LRRC71: variants seen among roughly 807,000 people sequenced by gnomAD.
LRRC71 encodes leucine-rich repeat-containing protein 71.
A neutral mutation model predicts 66.6 loss-of-function variants in LRRC71; 54 were observed. That is an observed-to-expected ratio of 0.81 (90% confidence interval 0.65 to 1.02). The LOEUF (loss-of-function observed/expected upper bound fraction) is 1.02, where lower values mean the gene tolerates loss of function less well. LRRC71 is among the 50% of genes least tolerant of loss of function. The pLI is 0.00. For synonymous variants in LRRC71, 323 were observed against 303.9 expected, an observed-to-expected ratio of 1.06 and a Z score of -0.65; for missense variants, 724 against 718.0, an observed-to-expected ratio of 1.01 and a Z score of -0.10.
At chr1:156,924,170 G>C in intron 2 of LRRC71, 72 bp downstream of exon 2, 2 of 1,487,242 alleles carry the variant, frequency 1.3e-6, no homozygotes, top group South Asian at 2.5e-5. Flanking sequence ...TTCCCACGCC[G>C]GGCCAAATGG....
chr1:156,931,871 C>A, intron 12 of LRRC71, 45 bp from the exon 13 acceptor site: 1 of 1,441,926 alleles, frequency 6.9e-7, no homozygotes, highest in African/African-American at 1.4e-5. Context: ...GGCCTGTTGA[C>A]CAGCTCCCCT....
chr1:156,926,856 G>A (rs909698995), intron 5 of LRRC71, among the ~76,000 whole-genome samples: 7 of 152,140 alleles, frequency 4.6e-5, no homozygotes, highest in South Asian at 2.1e-4. Context: ...GATTACAGGC[G>A]TGAGCCACTG....
chr1:156,929,693 C>A lies in LRRC71; in HGVS notation c.1204C>A (p.Pro402Thr). Residue 402 changes from proline to threonine, a missense_variant, in exon 11 of 15, where the codon CCT becomes ACT. Physicochemically the swap from Pro to Thr is conservative, Grantham distance 38. Transcript: ENST00000337428. Reference sequence around the variant, plus strand: ...TGGGCAGTCACCCACACAAGGAACCCCTAAGAAGGAAGATGCCACAAAGGC... The same window carrying A: ...TGGGCAGTCACCCACACAAGGAACCACTAAGAAGGAAGATGCCACAAAGGC... ...GSGQSPTQGT[P>T]KKEDATKAGK... 6.3e-7 allele frequency: 1 copy of A among 1,580,092 alleles called. No homozygotes were observed. Among genetic ancestry groups the A allele is most frequent in the Non-Finnish European group, 8.6e-7 (1 of 1,163,092 alleles).
intron 13 of LRRC71, 49 bp downstream of exon 13, chr1:156,932,076 CCT>C: frequency 6.9e-7 from 1 of 1,447,220 alleles, no homozygotes; most frequent in East Asian, 2.5e-5. Flanking sequence ...CTACCCGGGC[CCT>C]GTCCTGCCTG....
Position 156,927,790 on chromosome 1 carries a change from G to A in LRRC71, c.880G>A (p.Asp294Asn). ...WLSLAHNRIQDKGALKLAEVL... is the reference protein window; with the variant it reads ...WLSLAHNRIQNKGALKLAEVL... ...GTCCCTGGCCCACAACCGCATCCAG[G>A]ACAAGGGCGCCCTGAAGCTGGCTGA... Residue 294 changes from aspartate to asparagine, a missense_variant, in exon 8 of 15, where the codon GAC becomes AAC. Transcript: ENST00000337428. 1.2e-6 allele frequency: 2 copies of A among 1,613,042 alleles called. No homozygotes were observed. The highest frequency in any genetic ancestry group is 8.5e-7 in the Non-Finnish European group (1 of 1,179,744).
the LRRC71 span, chr1:156,939,771 G>A: frequency 2.5e-6 from 4 of 1,613,956 alleles, no homozygotes; most frequent in Non-Finnish European, 3.4e-6. Flanking sequence ...GCCCTGGGGA[G>A]CCTGGGTCCC....
the LRRC71 span, chr1:156,939,639 A>T: frequency 5.0e-6 from 8 of 1,613,750 alleles, no homozygotes; most frequent in Admixed American, 6.7e-5. Context: ...CCCATATCCC[A>T]GAATTTCTGG....
In LRRC71 at chr1:156,930,429, TG is replaced by T. The variant is rs948649177; in HGVS notation, c.1241-94del. 45 of 1,040,078 alleles carry T rather than the reference TG, an allele frequency of 4.3e-5. 2 individuals carry two copies. In the Middle Eastern group the frequency reaches 6.2e-4, roughly 14 times the overall value. The allele number at this position is 1,040,078 out of a possible 1,614,324, so 64.4% of individuals were successfully genotyped here. ...TTTCTATTGCACCCAAACCCAAAGT[TG>T]GGGGGTCTCTTTGCCTCACAGCCTG... On this transcript the variant is annotated intron_variant, in intron 11 of 14. Transcript: ENST00000337428.
chr1:156,937,002 T>C (rs1332079894), downstream of LRRC71: 15 of 1,612,882 alleles, frequency 9.3e-6, no homozygotes, highest in Middle Eastern at 3.3e-4. Flanking sequence ...GCCAGCTCCA[T>C]ATCCTGGAAG....
At chr1:156,939,884 A>G in the LRRC71 span, 309 of 1,607,882 alleles carry the variant, frequency 1.9e-4, 2 homozygotes, top group South Asian at 2.2e-3. Flanking sequence ...AGCAGGCTCC[A>G]CAGGATCAGA....
At chr1:156,925,301 C>G (rs1476807316) in intron 5 of LRRC71, among the ~76,000 whole-genome samples, 2 of 152,222 alleles carry the variant, frequency 1.3e-5, no homozygotes, top group Non-Finnish European at 2.9e-5. Flanking sequence ...CCCAGAGGTT[C>G]TCGCTCTCCT....
At chr1:156,923,901 C>A in intron 1 of LRRC71, 48 bp from the exon 2 acceptor site, 1 of 1,418,488 alleles carries the variant, frequency 7.0e-7, no homozygotes, top group Admixed American at 3.1e-5. Context: ...CTTGGGGATG[C>A]GGGGGTGGGC....
Position 156,924,564 on chromosome 1 carries a change from T to TTCC in LRRC71, c.439+12_439+13insTCC. 1 of 1,531,826 alleles carries TTCC rather than the reference T, an allele frequency of 6.5e-7. No homozygotes were observed. Among genetic ancestry groups the TTCC allele is most frequent in the Non-Finnish European group, 8.8e-7 (1 of 1,131,934 alleles). The allele number at this position is 1,531,826 out of a possible 1,614,324, so 94.9% of individuals were successfully genotyped here. A position where few individuals can be genotyped will look rare whatever the true frequency, so the allele number is the denominator to read the frequency against. ...AATCTACATCCGCGGTGAGCCCCGCTCCCCCCACCCGCCCCAGCTCCCTCC... is the reference window on the plus strand; with the variant it reads ...AATCTACATCCGCGGTGAGCCCCGCTTCCCCCCCCACCCGCCCCAGCTCCCTCC... On this transcript the variant is annotated intron_variant, in intron 3 of 14. Transcript: ENST00000337428.
chr1:156,935,920 TC>T (rs796109172), downstream of LRRC71: 44 of 1,459,082 alleles, frequency 3.0e-5, 1 homozygote, highest in African/African-American at 4.8e-4. Context: ...AGTGTTGGGA[TC>T]CCCCCTACCC....
downstream of LRRC71, among the ~76,000 whole-genome samples, chr1:156,933,799 T>G (rs1341918740): frequency 6.6e-6 from 1 of 152,206 alleles, no homozygotes; most frequent in Non-Finnish European, 1.5e-5. Flanking sequence ...ATGGCGCAGA[T>G]CAGCAAAGAC....
chr1:156,926,620 A>C (rs1444300669), intron 5 of LRRC71, among the ~76,000 whole-genome samples: 1 of 143,784 alleles, frequency 7.0e-6, no homozygotes, highest in Non-Finnish European at 1.5e-5. Flanking sequence ...TGTCGCCCAG[A>C]CTAGAGTGCA....
downstream of LRRC71, chr1:156,937,629 TG>T: frequency 1.0e-6 from 1 of 958,306 alleles, no homozygotes. Flanking sequence ...TCAGAGAACG[TG>T]GGCCTTGCTC....
rs370591006 is a variant in LRRC71 at position 156,932,463 on chromosome 1, C to T, written c.1481C>T (p.Ala494Val). The T allele has an allele frequency of 1.5e-5, 24 of 1,613,834 alleles. No homozygotes were observed. The East Asian group carries it at 4.7e-4, about 31-fold the overall frequency. The change falls in exon 14 of 15, where the codon GCC becomes GTC. Residue 494 changes from alanine (A) to valine (V), a missense_variant. Ala to Val is a moderately conservative substitution (Grantham distance 64). Transcript: ENST00000337428. ...GAGGTGGGGCTGGAGGGCTTCCTCG[C>T]CACGGTGCAGTATCAGATGCAGTTC... ...ITEVGLEGFL[A>V]TVQYQMQFSK...
In LRRC71 at chr1:156,924,926, C is replaced by A. The variant is rs376533502; in HGVS notation, c.516-12C>A. Reference sequence around the variant, plus strand: ...TCTAGCTCTGTGTTTCTGCACTTCCCGCCCACGACAGCTTGTGGAAGGTGG... The same window carrying A: ...TCTAGCTCTGTGTTTCTGCACTTCCAGCCCACGACAGCTTGTGGAAGGTGG... On this transcript the variant is annotated splice_polypyrimidine_tract_variant and intron_variant, in intron 4 of 14. Coordinates refer to ENST00000337428, the MANE Select transcript of LRRC71 (RefSeq NM_144702.3). The A allele has an allele frequency of 5.8e-6, 9 of 1,551,506 alleles. No individual in the cohort carries two copies. In the African/African-American group the frequency reaches 9.6e-5, roughly 17 times the overall value.
Sources: allele counts gnomAD v4.1 joint callset (sites outside exome capture counted in the v4.1 genomes callset), GRCh38; gene constraint gnomAD v4.1.1; transcripts MANE v1.5; gene names NCBI Gene and HGNC (gene_info 2026-07-23, HGNC 2026-07-21).